The following KAZN variants were observed in gnomAD, a reference collection of about 807,000 sequenced individuals.
The protein encoded by KAZN is kazrin.
In KAZN, 40 loss-of-function variants were observed where a neutral mutation model predicts 87.4. The observed-to-expected ratio is 0.46, with a 90% CI of 0.36 to 0.60. The LOEUF is 0.60. Ranked by LOEUF, KAZN falls within the 20% of genes least tolerant of loss-of-function variation. KAZN has a pLI of 0.00. For synonymous variants in KAZN, 466 were observed against 458.3 expected (o/e 1.02, Z -0.22); for missense variants, 898 against 1,073.9 (o/e 0.84, Z 2.29).
In KAZN at chr1:15,066,919, G is replaced by A. The variant is rs765393491; in HGVS notation, c.1222+1166G>A. ...CCTTTCTCTATATATTTATTTATCT[G>A]ACATACAGAACACGACTTTAGTGAG... On this transcript the variant is annotated intron_variant, in intron 8 of 14. Transcript: ENST00000376030. The surrounding 1 kb of genome is among the most constrained non-coding windows in gnomAD (Gnocchi z 4.3). The A allele has an allele frequency of 1.6e-5, 16 of 985,236 alleles. No homozygotes were observed. The highest frequency in any genetic ancestry group is 1.8e-5 in the Non-Finnish European group (15 of 829,948). The allele number at this position is 985,236 out of a possible 1,614,324, so 61.0% of individuals were successfully genotyped here.
At chr1:14,051,140 C>A (rs1323412752) in intron 1 of KAZN, among the ~76,000 whole-genome samples, 1 of 152,094 alleles carries the variant, frequency 6.6e-6, no homozygotes, top group Non-Finnish European at 1.5e-5. Flanking sequence ...TAAGGGGAGG[C>A]ATCAAGCGTC....
intron 8 of KAZN, among the ~76,000 whole-genome samples, chr1:15,076,289 G>A (rs1469282185): frequency 2.6e-5 from 4 of 152,190 alleles, no homozygotes; most frequent in African/African-American, 9.7e-5. Context: ...CTTTTCACAT[G>A]TGTGCAAGAA....
rs1670613843 is a variant in KAZN at position 15,021,016 on chromosome 1, C to G, written c.419-13733C>G. Among the ~76,000 whole-genome samples, 2 of 152,194 alleles carry G rather than the reference C, an allele frequency of 1.3e-5. No individual in the cohort carries two copies. The highest frequency in any genetic ancestry group is 4.8e-5 in the African/African-American group (2 of 41,444). ...TGCCTTCAACAACCCTGCTGTGTCT[C>G]TGTTACGCAGCAGGGGTGAGACCAG... is the stretch of plus-strand genomic sequence containing the variant. On this transcript the variant is annotated intron_variant, in intron 2 of 14. Transcript: ENST00000376030. This position sits in a 1 kb window ranked among gnomAD's most constrained non-coding sequence, Gnocchi z 4.2.
At chr1:14,870,439 T>G (rs1277632241) in intron 1 of KAZN, among the ~76,000 whole-genome samples, 1 of 152,204 alleles carries the variant, frequency 6.6e-6, no homozygotes, top group Non-Finnish European at 1.5e-5. Flanking sequence ...ACCTCCTGGG[T>G]ACGAGTGATT....
chr1:14,050,219 T>A (rs1337156168), intron 1 of KAZN, among the ~76,000 whole-genome samples: 2 of 151,858 alleles, frequency 1.3e-5, no homozygotes, highest in African/African-American at 2.4e-5. Context: ...TGGGCATGCA[T>A]GTGCACATGT....
intron 2 of KAZN, among the ~76,000 whole-genome samples, chr1:14,528,069 A>G (rs746127191): frequency 6.6e-6 from 1 of 151,676 alleles, no homozygotes; most frequent in South Asian, 2.1e-4. Flanking sequence ...CTACCTATCT[A>G]TCTTCCTCTC....
chr1:14,190,251 G>C (rs1020683134), intron 2 of KAZN, among the ~76,000 whole-genome samples: 1 of 152,124 alleles, frequency 6.6e-6, no homozygotes, highest in Non-Finnish European at 1.5e-5. Flanking sequence ...ACATTGCAGA[G>C]CGATGTGAAA....
At chr1:14,038,300 A>G (rs1641647976) in intron 1 of KAZN, among the ~76,000 whole-genome samples, 1 of 152,194 alleles carries the variant, frequency 6.6e-6, no homozygotes, top group African/African-American at 2.4e-5. Flanking sequence ...TGGTGAGGTC[A>G]GACATCATTG....
intron 2 of KAZN, among the ~76,000 whole-genome samples, chr1:14,333,640 G>A (rs1436311988): frequency 6.6e-6 from 1 of 152,140 alleles, no homozygotes; most frequent in East Asian, 1.9e-4. Context: ...CATAATAAAT[G>A]GGGAAAATAA....
chr1:14,990,220 G>C (rs551531499), intron 2 of KAZN, among the ~76,000 whole-genome samples: 1 of 152,166 alleles, frequency 6.6e-6, no homozygotes, highest in Admixed American at 6.5e-5. Context: ...TTGTTTGTTT[G>C]TTTGTTTTTT....
chr1:14,459,296 C>T (rs2148346494), intron 2 of KAZN, among the ~76,000 whole-genome samples: 1 of 152,016 alleles, frequency 6.6e-6, no homozygotes, highest in Middle Eastern at 3.4e-3. Flanking sequence ...CATGCCCACA[C>T]ACATTTGCAC....
At chr1:14,881,338 A>AGT (rs1479346903) in intron 1 of KAZN, among the ~76,000 whole-genome samples, 4 of 152,252 alleles carry the variant, frequency 2.6e-5, no homozygotes, top group Admixed American at 1.3e-4. Flanking sequence ...AGAAACAGGC[A>AGT]GTAACAAATG....
rs187978845 is a variant in KAZN at position 14,866,528 on chromosome 1, A to C, written c.227-94156A>C. On this transcript the variant is annotated intron_variant, in intron 1 of 14. Transcript: ENST00000376030. ...AGGAGTGTTTGAATCCAGGAGTTCA[A>C]GACCAGCTGGGCAACATCTTTTGCC... 1.7e-4 allele frequency among the ~76,000 whole-genome samples: 26 copies of C among 152,290 alleles called. No homozygotes were observed. The East Asian group carries it at 4.4e-3, about 26-fold the overall frequency.
intron 2 of KAZN, among the ~76,000 whole-genome samples, chr1:14,481,119 A>G (rs1487405958): frequency 6.6e-6 from 1 of 151,952 alleles, no homozygotes; most frequent in East Asian, 1.9e-4. Context: ...GAATAGATCA[A>G]TCTCACATGG....
intron 1 of KAZN, among the ~76,000 whole-genome samples, chr1:14,921,079 G>A (rs1658460739): frequency 6.6e-6 from 1 of 151,950 alleles, no homozygotes; most frequent in South Asian, 2.1e-4. Flanking sequence ...GGGGGGCATG[G>A]GCAGCCTGGG....
intron 2 of KAZN, among the ~76,000 whole-genome samples, chr1:14,365,336 C>T (rs181316510): frequency 2.4e-3 from 349 of 145,756 alleles, no homozygotes; most frequent in African/African-American, 8.4e-3. Context: ...TGTGAGCCAC[C>T]GCGCCCCGGC....
At chr1:14,850,225 C>T (rs1430501274) in intron 1 of KAZN, among the ~76,000 whole-genome samples, 4 of 152,142 alleles carry the variant, frequency 2.6e-5, no homozygotes, top group African/African-American at 4.8e-5. Context: ...TGAGCCACTG[C>T]GTCCAGCCTA....
At chr1:14,779,384 T>C (rs1215910809) in intron 1 of KAZN, among the ~76,000 whole-genome samples, 1 of 152,180 alleles carries the variant, frequency 6.6e-6, no homozygotes, top group East Asian at 1.9e-4. Context: ...GGCTCCCAGC[T>C]CTTGGCATTG....
intron 2 of KAZN, among the ~76,000 whole-genome samples, chr1:14,545,423 C>G (rs1317132202): frequency 1.3e-5 from 2 of 152,192 alleles, no homozygotes; most frequent in African/African-American, 4.8e-5. Context: ...CTAGCTCCAC[C>G]ACATGCCCGC....
Sources: allele counts gnomAD v4.1 joint callset (sites outside exome capture counted in the v4.1 genomes callset), GRCh38; gene constraint gnomAD v4.1.1; non-coding constraint Gnocchi (gnomAD v3.1); transcripts MANE v1.5; gene names NCBI Gene and HGNC (gene_info 2026-07-23, HGNC 2026-07-21).